The following QTMAN variants were observed in gnomAD, a reference collection of about 807,000 sequenced individuals.
QTMAN encodes the protein tRNA-queuosine alpha-mannosyltransferase.
At chr2:144,327,133 A>T in the QTMAN span, among the ~76,000 whole-genome samples, 19 of 152,164 alleles carry the variant, frequency 1.2e-4, no homozygotes, top group Admixed American at 3.9e-4. Context: ...TTTCACAAAA[A>T]CCCAAAAGAA....
At chr2:144,159,557 T>C in the QTMAN span, among the ~76,000 whole-genome samples, 1 of 152,090 alleles carries the variant, frequency 6.6e-6, no homozygotes, top group South Asian at 2.1e-4. Flanking sequence ...TGCCGTTACT[T>C]AGGTATTATA....
At chr2:144,167,073 TTG>T in the QTMAN span, among the ~76,000 whole-genome samples, 1 of 152,202 alleles carries the variant, frequency 6.6e-6, no homozygotes, top group African/African-American at 2.4e-5. Flanking sequence ...AGCATTCCCT[TTG>T]TGTTAAAGTA....
At chr2:144,023,453 C>T in the QTMAN span, among the ~76,000 whole-genome samples, 2 of 152,234 alleles carry the variant, frequency 1.3e-5, no homozygotes, top group African/African-American at 4.8e-5. Flanking sequence ...AAAATCAGAC[C>T]TTTTAACATT....
At chr2:144,223,991 T>C in the QTMAN span, among the ~76,000 whole-genome samples, 1 of 152,208 alleles carries the variant, frequency 6.6e-6, no homozygotes, top group African/African-American at 2.4e-5. Context: ...TGTAAAACCA[T>C]CTTCAAAAAT....
At chr2:144,134,488 A>T in the QTMAN span, among the ~76,000 whole-genome samples, 1 of 152,170 alleles carries the variant, frequency 6.6e-6, no homozygotes, top group African/African-American at 2.4e-5. Flanking sequence ...AGGAAAGCAG[A>T]AATGCTCTTT....
the QTMAN span, among the ~76,000 whole-genome samples, chr2:144,165,150 T>C: frequency 1.5e-4 from 23 of 152,146 alleles, no homozygotes; most frequent in East Asian, 3.7e-3. Context: ...GGCGGGTGGA[T>C]CACGAGGTCA....
the QTMAN span, among the ~76,000 whole-genome samples, chr2:144,060,674 T>C: frequency 2.6e-5 from 4 of 152,224 alleles, no homozygotes; most frequent in Non-Finnish European, 5.9e-5. Context: ...GCAGGAGCTA[T>C]TTTGCTAGGC....
chr2:144,318,984 G>A, the QTMAN span, among the ~76,000 whole-genome samples: 1 of 152,020 alleles, frequency 6.6e-6, no homozygotes, highest in Non-Finnish European at 1.5e-5. Flanking sequence ...CATCAATTTG[G>A]TTCAGAGAAT....
At chr2:143,957,268 C>T in the QTMAN span, 1 of 1,612,802 alleles carries the variant, frequency 6.2e-7, no homozygotes, top group Non-Finnish European at 8.5e-7. Context: ...TGGAAATAGT[C>T]ATCTTTGCTG....
the QTMAN span, among the ~76,000 whole-genome samples, chr2:144,205,539 G>C: frequency 6.6e-6 from 1 of 152,096 alleles, no homozygotes; most frequent in Non-Finnish European, 1.5e-5. Context: ...ACTCCCAAGG[G>C]CTGGATACCT....
the QTMAN span, among the ~76,000 whole-genome samples, chr2:144,017,016 T>C: frequency 6.6e-6 from 1 of 152,116 alleles, no homozygotes; most frequent in Non-Finnish European, 1.5e-5. Context: ...TGTTACTTTT[T>C]TTTTTTTGAG....
the QTMAN span, among the ~76,000 whole-genome samples, chr2:144,285,394 C>T: frequency 6.6e-6 from 1 of 152,176 alleles, no homozygotes; most frequent in African/African-American, 2.4e-5. Flanking sequence ...ACCTCCCATT[C>T]ACTGAAAGGG....
At chr2:144,060,766 T>C in the QTMAN span, among the ~76,000 whole-genome samples, 1 of 152,152 alleles carries the variant, frequency 6.6e-6, no homozygotes, top group African/African-American at 2.4e-5. Context: ...TTATTGAAAA[T>C]TAAGCTTTCA....
chr2:143,969,837 G>A, the QTMAN span, among the ~76,000 whole-genome samples: 1 of 152,192 alleles, frequency 6.6e-6, no homozygotes, highest in Admixed American at 6.5e-5. Context: ...TGCAGGCTGG[G>A]TGTAGTTCTT....
chr2:144,116,388 T>A, the QTMAN span, among the ~76,000 whole-genome samples: 1 of 152,034 alleles, frequency 6.6e-6, no homozygotes, highest in Non-Finnish European at 1.5e-5. Context: ...TTTTTAATCA[T>A]CCTAATTCCA....
chr2:144,215,780 C>T, the QTMAN span, among the ~76,000 whole-genome samples: 2 of 152,226 alleles, frequency 1.3e-5, no homozygotes, highest in African/African-American at 4.8e-5. Context: ...ATCATCTCAC[C>T]ACTCATTTAA....
the QTMAN span, among the ~76,000 whole-genome samples, chr2:144,212,750 A>C: frequency 6.6e-6 from 1 of 152,214 alleles, no homozygotes; most frequent in Non-Finnish European, 1.5e-5. Context: ...AGAAAAACTC[A>C]CTTCTTCAGC....
the QTMAN span, among the ~76,000 whole-genome samples, chr2:144,002,051 A>T: frequency 6.6e-6 from 1 of 151,970 alleles, no homozygotes; most frequent in African/African-American, 2.4e-5. Flanking sequence ...TGCCTTTTTC[A>T]CTGTGTTGAC....
At chr2:143,994,305 T>C in the QTMAN span, among the ~76,000 whole-genome samples, 1 of 152,280 alleles carries the variant, frequency 6.6e-6, no homozygotes, top group Non-Finnish European at 1.5e-5. Flanking sequence ...AAAAAATTAG[T>C]AGGTATTTAA....
Sources: gnomAD v4.1 joint callset for allele counts (sites outside exome capture counted in the v4.1 genomes callset) on GRCh38, gnomAD v4.1.1 for gene constraint, MANE v1.5 for transcripts, NCBI Gene and HGNC (gene_info 2026-07-23, HGNC 2026-07-21) for gene names.